ADAMTSL1: variants seen among roughly 807,000 people sequenced by gnomAD.
The protein encoded by ADAMTSL1 is ADAMTS like 1.
Under a neutral mutation model 201.8 loss-of-function variants are expected in ADAMTSL1, and 126 were observed. The ratio of observed to expected loss-of-function variants is 0.62; its 90% CI spans 0.54 to 0.72. The LOEUF (loss-of-function observed/expected upper bound fraction) is 0.72. Ranked by LOEUF, ADAMTSL1 falls within the 30% of genes least tolerant of loss-of-function variation. The probability of loss-of-function intolerance (pLI) is 0.00; values close to 1 mark genes in which losing one functional copy is unlikely to be tolerated. For synonymous variants in ADAMTSL1, 1,121 were observed against 903.4 expected (o/e 1.24, Z -4.32); for missense variants, 2,679 against 2,277.8 (o/e 1.18, Z -3.59).
Position 18,574,009 on chromosome 9 carries a change from CTT to C in ADAMTSL1, c.238-19_238-18del. On this transcript the variant is annotated intron_variant, in intron 3 of 28. Transcript: ENST00000380548. ...GGTATCCTCCTAACCTTTGTATGTC[CTT>C]TCTCTCTTTTTTCTCCAGGACTGCC... is the stretch of plus-strand genomic sequence containing the variant. The C allele has an allele frequency of 6.2e-7, 1 of 1,602,838 alleles. No homozygotes were observed. The highest frequency in any genetic ancestry group is 2.2e-5 in the East Asian group (1 of 44,798).
At chr9:17,927,660 A>G (rs1286410484) in intron 1 of ADAMTSL1, among the ~76,000 whole-genome samples, 2 of 152,148 alleles carry the variant, frequency 1.3e-5, no homozygotes, top group East Asian at 1.9e-4. Flanking sequence ...ATACTGTATA[A>G]CAACATATTT....
chr9:18,210,289 T>G (rs1380887439), intron 2 of ADAMTSL1, among the ~76,000 whole-genome samples: 1 of 150,854 alleles, frequency 6.6e-6, no homozygotes, highest in Non-Finnish European at 1.5e-5. Context: ...AATTAAAATT[T>G]TAACTCATTC....
intron 25 of ADAMTSL1, among the ~76,000 whole-genome samples, chr9:18,891,772 C>T (rs1201160117): frequency 1.3e-5 from 2 of 152,362 alleles, no homozygotes; most frequent in East Asian, 1.9e-4. Context: ...GCCCAGATTA[C>T]TTTCCAGGTC....
intron 4 of ADAMTSL1, among the ~76,000 whole-genome samples, chr9:18,608,314 T>C (rs370726791): frequency 2.0e-5 from 3 of 152,222 alleles, no homozygotes; most frequent in African/African-American, 7.2e-5. Flanking sequence ...ATATTCCAGT[T>C]ACTACACGAT....
At chr9:18,878,776 T>G (rs1828334595) in intron 23 of ADAMTSL1, among the ~76,000 whole-genome samples, 1 of 152,218 alleles carries the variant, frequency 6.6e-6, no homozygotes, top group Non-Finnish European at 1.5e-5. Flanking sequence ...TCTGTACATC[T>G]GAGTGGAAGC....
chr9:18,082,175 G>T (rs1823526224), intron 1 of ADAMTSL1, among the ~76,000 whole-genome samples: 1 of 152,102 alleles, frequency 6.6e-6, no homozygotes, highest in African/African-American at 2.4e-5. Flanking sequence ...TTATATAAAG[G>T]CGGAACAATA....
At chr9:18,307,418 G>A (rs1278634345) in intron 2 of ADAMTSL1, among the ~76,000 whole-genome samples, 1 of 152,130 alleles carries the variant, frequency 6.6e-6, no homozygotes, top group African/African-American at 2.4e-5. Context: ...AAAGGGTCAA[G>A]ACCCATCGGT....
chr9:18,259,596 A>G lies in ADAMTSL1; in HGVS notation c.207+95615A>G, dbSNP rs146993131. Among the ~76,000 whole-genome samples the G allele has an allele frequency of 1.4e-3, 215 of 151,544 alleles. 3 individuals are homozygous for G. Among genetic ancestry groups the G allele is most frequent in the African/African-American group, 5.0e-3 (207 of 41,294 alleles). On this transcript the variant is annotated intron_variant, in intron 2 of 29. Transcript: ENST00000680146. ...GTACAGCTTACAAGGCTCCCAGGGGACACAGCCCTCCTCTTTCTGCTCCCC... is the reference window on the plus strand; with the variant it reads ...GTACAGCTTACAAGGCTCCCAGGGGGCACAGCCCTCCTCTTTCTGCTCCCC...
Position 18,605,074 on chromosome 9 carries a change from C to T in ADAMTSL1, c.475-17169C>T, listed in dbSNP as rs190043267. ...CTTCTCCAGGAGATTTACAAATGTT[C>T]GGCCATGGAACTCCTCTCACTTGTA... On this transcript the variant is annotated intron_variant, in intron 4 of 28. Coordinates refer to ENST00000380548, the MANE Select transcript of ADAMTSL1 (RefSeq NM_001040272.6). Among the ~76,000 whole-genome samples, 12 of 152,270 alleles carry T rather than the reference C, an allele frequency of 7.9e-5. No individual in the cohort carries two copies. In the East Asian group the frequency reaches 1.2e-3, roughly 15 times the overall value.
chr9:18,485,810 T>C (rs1587348481), intron 1 of ADAMTSL1, among the ~76,000 whole-genome samples: 1 of 152,212 alleles, frequency 6.6e-6, no homozygotes, highest in East Asian at 1.9e-4. Flanking sequence ...ACCCAAGTTT[T>C]TGTTTTAGAA....
intron 1 of ADAMTSL1, among the ~76,000 whole-genome samples, chr9:17,992,594 C>A (rs1011268402): frequency 5.9e-5 from 9 of 151,834 alleles, no homozygotes; most frequent in Admixed American, 4.6e-4. Flanking sequence ...AAGACCATCC[C>A]GGGAAAAGTA....
intron 1 of ADAMTSL1, among the ~76,000 whole-genome samples, chr9:18,120,204 G>C (rs141915320): frequency 1.3e-5 from 2 of 152,032 alleles, no homozygotes; most frequent in African/African-American, 4.8e-5. Flanking sequence ...TCAATGACAG[G>C]AGGCCTCAGT....
At chr9:18,427,112 C>A (rs1467554567) in intron 2 of ADAMTSL1, among the ~76,000 whole-genome samples, 1 of 152,140 alleles carries the variant, frequency 6.6e-6, no homozygotes, top group African/African-American at 2.4e-5. Flanking sequence ...TTCCATCTGC[C>A]AGTCTAATCA....
intron 1 of ADAMTSL1, among the ~76,000 whole-genome samples, chr9:17,937,230 G>A (rs928339243): frequency 5.3e-5 from 8 of 152,012 alleles, no homozygotes; most frequent in East Asian, 3.9e-4. Context: ...AGCACATTGC[G>A]GTGGGCCCTG....
intron 6 of ADAMTSL1, among the ~76,000 whole-genome samples, chr9:18,636,610 T>A (rs1827128521): frequency 6.6e-6 from 1 of 152,178 alleles, no homozygotes; most frequent in South Asian, 2.1e-4. Context: ...AAAGATCAAA[T>A]GGCAGCATGG....
chr9:18,201,929 A>G (rs984426769), intron 2 of ADAMTSL1, among the ~76,000 whole-genome samples: 2 of 152,206 alleles, frequency 1.3e-5, no homozygotes, highest in Admixed American at 6.5e-5. Context: ...GTAATAATTT[A>G]TCACCACTGA....
chr9:18,536,327 A>G (rs1819771383), intron 3 of ADAMTSL1, among the ~76,000 whole-genome samples: 1 of 152,086 alleles, frequency 6.6e-6, no homozygotes, highest in African/African-American at 2.4e-5. Flanking sequence ...GAACTACTTC[A>G]TCTCCAAAGA....
chr9:18,035,716 C>T (rs1311953395), intron 1 of ADAMTSL1, among the ~76,000 whole-genome samples: 1 of 152,098 alleles, frequency 6.6e-6, no homozygotes, highest in Non-Finnish European at 1.5e-5. Flanking sequence ...TTATTATGAT[C>T]ATCGTCTGCT....
At chr9:18,233,751 T>C (rs1318316534) in intron 2 of ADAMTSL1, among the ~76,000 whole-genome samples, 1 of 152,200 alleles carries the variant, frequency 6.6e-6, no homozygotes, top group East Asian at 1.9e-4. Context: ...CCAGAAGCAC[T>C]GTACTGCTGA....
Sources: allele counts gnomAD v4.1 joint callset (sites outside exome capture counted in the v4.1 genomes callset), GRCh38; gene constraint gnomAD v4.1.1; transcripts MANE v1.5; gene names NCBI Gene and HGNC (gene_info 2026-07-23, HGNC 2026-07-21).